TMEM132D: variants seen among roughly 807,000 people sequenced by gnomAD.
The protein encoded by TMEM132D is transmembrane protein 132D.
Under a neutral mutation model 62.3 loss-of-function variants are expected in TMEM132D, and 21 were observed. That is an observed-to-expected ratio of 0.34 (90% CI 0.24 to 0.49). TMEM132D has a LOEUF of 0.49. Ranked by LOEUF, TMEM132D falls within the 20% of genes least tolerant of loss-of-function variation. The pLI is 0.99. For missense variants in TMEM132D, 1,346 were observed against 1,402.8 expected, an observed-to-expected ratio of 0.96 and a Z score of 0.65; for synonymous variants, 621 against 575.6, an observed-to-expected ratio of 1.08 and a Z score of -1.13.
At chr12:129,123,184 C>G (rs1876115395) in intron 5 of TMEM132D, among the ~76,000 whole-genome samples, 1 of 152,162 alleles carries the variant, frequency 6.6e-6, no homozygotes, top group South Asian at 2.1e-4. Context: ...GTTATAAAAT[C>G]ATGGCCATGA....
chr12:129,352,238 A>G (rs993612271), intron 3 of TMEM132D, among the ~76,000 whole-genome samples: 1 of 152,228 alleles, frequency 6.6e-6, no homozygotes, highest in African/African-American at 2.4e-5. Context: ...GAACAAAGAC[A>G]TTCCTAATTT....
intron 1 of TMEM132D, among the ~76,000 whole-genome samples, chr12:129,838,758 A>G (rs889358008): frequency 6.6e-6 from 1 of 152,208 alleles, no homozygotes; most frequent in African/African-American, 2.4e-5. Context: ...AACACTATTT[A>G]ACCTAGTAGT....
intron 1 of TMEM132D, chr12:129,852,199 G>C (rs1873565486): frequency 6.6e-6 from 1 of 152,152 alleles, no homozygotes; most frequent in Non-Finnish European, 1.5e-5. Context: ...ATGCAGAAGA[G>C]TTTACAAGTT....
intron 2 of TMEM132D, among the ~76,000 whole-genome samples, chr12:129,672,282 T>C (rs1880518400): frequency 6.6e-6 from 1 of 152,160 alleles, no homozygotes; most frequent in Non-Finnish European, 1.5e-5. Flanking sequence ...ACTTCCAGGA[T>C]TGTAAAAATG....
Position 129,317,480 on chromosome 12 carries a change from T to G in TMEM132D, c.1299+20154A>C, listed in dbSNP as rs1868525272. 2.0e-5 allele frequency among the ~76,000 whole-genome samples: 3 copies of G among 152,208 alleles called. No homozygotes were observed. In the South Asian group the frequency reaches 6.2e-4, roughly 31 times the overall value. On this transcript the variant is annotated intron_variant, in intron 4 of 8. Coordinates refer to ENST00000422113, the MANE Select transcript of TMEM132D (RefSeq NM_133448.3). ...GGCTGAAGATAGGCCCCCAATCCCT[T>G]CTAGCTTATAGGGTTTCTGCTGAGA...
chr12:129,636,762 G>A (rs1043148890), intron 2 of TMEM132D, among the ~76,000 whole-genome samples: 2 of 151,092 alleles, frequency 1.3e-5, no homozygotes, highest in Non-Finnish European at 3.0e-5. Context: ...GAGAGACAGA[G>A]AGAGAAAGAA....
intron 4 of TMEM132D, among the ~76,000 whole-genome samples, chr12:129,320,473 A>G (rs777676164): frequency 6.6e-6 from 1 of 152,210 alleles, no homozygotes; most frequent in African/African-American, 2.4e-5. Context: ...AAGAAAAACT[A>G]TACTTTCCAG....
intron 2 of TMEM132D, among the ~76,000 whole-genome samples, chr12:129,650,216 C>T (rs2170821): frequency 0.23 from 34,826 of 151,990 alleles, 4,263 homozygotes; most frequent in African/African-American, 0.3. Flanking sequence ...TACATAAAGG[C>T]TATCCTATTG....
chr12:129,288,811 A>G (rs1183181338), intron 4 of TMEM132D, among the ~76,000 whole-genome samples: 1 of 152,262 alleles, frequency 6.6e-6, no homozygotes, highest in Non-Finnish European at 1.5e-5. Context: ...CACAATAGCC[A>G]AGGCATGGAA....
At chr12:129,624,019 C>A (rs1186026009) in intron 2 of TMEM132D, among the ~76,000 whole-genome samples, 1 of 152,108 alleles carries the variant, frequency 6.6e-6, no homozygotes, top group Non-Finnish European at 1.5e-5. Context: ...CAATGTCATG[C>A]CTATAGGCCA....
intron 2 of TMEM132D, among the ~76,000 whole-genome samples, chr12:129,578,732 A>C (rs2137124848): frequency 6.6e-6 from 1 of 152,264 alleles, no homozygotes; most frequent in Middle Eastern, 3.4e-3. Context: ...TGAAGGTCTG[A>C]GAACCAAGAG....
At chr12:129,633,562 C>T (rs550774345) in intron 2 of TMEM132D, among the ~76,000 whole-genome samples, 67 of 152,226 alleles carry the variant, frequency 4.4e-4, no homozygotes, top group African/African-American at 1.4e-3. Flanking sequence ...GTCAAGGGGA[C>T]CATGATTCAC....
intron 1 of TMEM132D, among the ~76,000 whole-genome samples, chr12:129,796,017 C>T (rs1871551672): frequency 6.6e-6 from 1 of 151,944 alleles, no homozygotes; most frequent in Admixed American, 6.6e-5. Flanking sequence ...CTAATTACAT[C>T]AAATGGAAAT....
In TMEM132D at chr12:129,263,407, A is replaced by T. The variant is rs77675595; in HGVS notation, c.1300-53744T>A. Among the ~76,000 whole-genome samples, 372 of 152,330 alleles carry T rather than the reference A, an allele frequency of 2.4e-3. 1 individual carries two copies. The highest frequency in any genetic ancestry group is 3.5e-3 in the Non-Finnish European group (239 of 68,044). ...ATGCTATCTTATCTCTATTTTGCAG[A>T]AAGTAATACTGAAGTATAAAGAAGG... On this transcript the variant is annotated intron_variant, in intron 4 of 8. Transcript: ENST00000422113.
intron 4 of TMEM132D, among the ~76,000 whole-genome samples, chr12:129,217,076 G>A (rs1879226288): frequency 1.3e-5 from 2 of 152,020 alleles, no homozygotes; most frequent in Non-Finnish European, 2.9e-5. Flanking sequence ...TTAATATATG[G>A]TTGTGAAATG....
At chr12:129,291,569 A>T in intron 4 of TMEM132D, among the ~76,000 whole-genome samples, 1 of 152,220 alleles carries the variant, frequency 6.6e-6, no homozygotes, top group East Asian at 1.9e-4. Flanking sequence ...TTTGTAACAG[A>T]ACAAAGGCTA....
At position 129,278,970 on chromosome 12, in the gene TMEM132D, G is replaced by A. The variant is rs542418958; in HGVS notation, c.1299+58664C>T. 9.3e-4 allele frequency among the ~76,000 whole-genome samples: 141 copies of A among 152,306 alleles called. No homozygotes were observed. The Middle Eastern group carries it at 0.01, about 11-fold the overall frequency. On this transcript the variant is annotated intron_variant, in intron 4 of 8. Coordinates refer to ENST00000422113, the MANE Select transcript of TMEM132D (RefSeq NM_133448.3). ...AATTATAAGGACTGAGTGGAGGTGCGCCTCCAGGCTTCGGGTGGTTGGTAT... is the reference window on the plus strand; with the variant it reads ...AATTATAAGGACTGAGTGGAGGTGCACCTCCAGGCTTCGGGTGGTTGGTAT...
intron 4 of TMEM132D, among the ~76,000 whole-genome samples, chr12:129,273,163 G>A (rs1880902735): frequency 6.6e-6 from 1 of 151,680 alleles, no homozygotes; most frequent in Admixed American, 6.6e-5. Flanking sequence ...GCCCCTGCAC[G>A]CCAGACTGGG....
At chr12:129,290,456 C>T (rs1881418760) in intron 4 of TMEM132D, among the ~76,000 whole-genome samples, 1 of 152,206 alleles carries the variant, frequency 6.6e-6, no homozygotes. Flanking sequence ...TAAGCTAGGT[C>T]TTTGTGTACA....
Sources: gnomAD v4.1 joint callset for allele counts (sites outside exome capture counted in the v4.1 genomes callset) on GRCh38, gnomAD v4.1.1 for gene constraint, MANE v1.5 for transcripts, NCBI Gene and HGNC (gene_info 2026-07-23, HGNC 2026-07-21) for gene names.